PDZD2: variants seen among roughly 807,000 people sequenced by gnomAD.
The protein encoded by PDZD2 is PDZ domain-containing protein 2.
Under a neutral mutation model 220.7 loss-of-function variants are expected in PDZD2, and 90 were observed. That is an observed-to-expected ratio of 0.41 (90% CI 0.34 to 0.49). PDZD2 has a LOEUF of 0.49. PDZD2 is among the 20% of genes least tolerant of loss of function. The probability of loss-of-function intolerance (pLI) is 0.28; values close to 1 mark genes in which losing one functional copy is unlikely to be tolerated. For missense variants in PDZD2, 3,174 were observed against 3,608.5 expected, an observed-to-expected ratio of 0.88 and a Z score of 3.08; for synonymous variants, 1,375 against 1,450.5, an observed-to-expected ratio of 0.95 and a Z score of 1.18.
chr5:32,033,231 G>C (rs1365761181), intron 6 of PDZD2, among the ~76,000 whole-genome samples: 2 of 152,124 alleles, frequency 1.3e-5, no homozygotes, highest in Non-Finnish European at 2.9e-5. Context: ...TCTGTGCATT[G>C]GGAACAAAAC....
At chr5:31,704,889 G>A (rs983824528) in intron 1 of PDZD2, among the ~76,000 whole-genome samples, 73 of 152,112 alleles carry the variant, frequency 4.8e-4, no homozygotes, top group African/African-American at 1.7e-3. Context: ...GGCTGGGTGC[G>A]GTGGCTCACG....
intron 13 of PDZD2, 79 bp from the exon 14 acceptor site, chr5:32,060,923 C>A: frequency 7.4e-7 from 1 of 1,357,472 alleles, no homozygotes; most frequent in Non-Finnish European, 1.0e-6. Flanking sequence ...ATATTATAAA[C>A]CTCTCCTAGC....
In PDZD2 at chr5:32,090,332, A is replaced by AAGGGG; in HGVS notation, c.6886_6890dup (p.Asp2297GlufsTer13). 6.2e-7 allele frequency: 1 copy of AAGGGG among 1,614,198 alleles called. No individual in the cohort carries two copies. Among genetic ancestry groups the AAGGGG allele is most frequent in the Non-Finnish European group, 8.5e-7 (1 of 1,180,012 alleles). ...TCGAGGAATCTTCCAGCCACAGATG[A>AAGGGG]AGGGGATATCATTTCAGTCCAGGAG... On this transcript the variant is annotated frameshift_variant, in exon 20 of 25. Transcript: ENST00000438447. LOFTEE classifies it high-confidence loss of function. The surrounding 1 kb of genome is among the most constrained non-coding windows in gnomAD (Gnocchi z 4.3).
intron 1 of PDZD2, among the ~76,000 whole-genome samples, chr5:31,729,099 C>T (rs1386156148): frequency 2.8e-4 from 35 of 123,672 alleles, no homozygotes; most frequent in East Asian, 5.5e-4. Context: ...TGATCGAAAT[C>T]TTTTTTTTTT....
chr5:31,833,584 C>T (rs1278432949), intron 2 of PDZD2, among the ~76,000 whole-genome samples: 2 of 146,036 alleles, frequency 1.4e-5, no homozygotes, highest in East Asian at 2.0e-4. Flanking sequence ...TGCAGTGAGC[C>T]GAGATTGCGC....
rs181811553 is a variant in PDZD2, at chr5:31,719,844, C to T, written c.-360-79045C>T. ...TAGTGATAGAGAAGTAAATGAAACT[C>T]GATCTCTGCCTTGAGGACCTCAGTT... On this transcript the variant is annotated intron_variant, in intron 1 of 24. Transcript: ENST00000438447. Among the ~76,000 whole-genome samples, 572 of 152,228 alleles carry T rather than the reference C, an allele frequency of 3.8e-3. 4 individuals carry two copies. The highest frequency in any genetic ancestry group is 4.4e-3 in the Non-Finnish European group (297 of 68,026).
intron 7 of PDZD2, among the ~76,000 whole-genome samples, chr5:32,047,104 A>G (rs945034626): frequency 6.6e-6 from 1 of 152,202 alleles, no homozygotes; most frequent in Non-Finnish European, 1.5e-5. Flanking sequence ...ATCGATAAGA[A>G]AGACATCCAA....
intron 2 of PDZD2, among the ~76,000 whole-genome samples, chr5:31,912,287 C>T (rs1449286197): frequency 6.6e-6 from 1 of 152,008 alleles, no homozygotes; most frequent in African/African-American, 2.4e-5. Flanking sequence ...GTGGAAGAGG[C>T]CAGGCAGTTC....
intron 2 of PDZD2, among the ~76,000 whole-genome samples, chr5:31,819,671 A>AAAAG (rs1344634916): frequency 1.3e-5 from 2 of 151,592 alleles, no homozygotes; most frequent in Non-Finnish European, 2.9e-5. Context: ...AAAAAAAAAA[A>AAAAG]AAGAATTCTG....
chr5:31,896,251 G>A (rs952811348), intron 2 of PDZD2, among the ~76,000 whole-genome samples: 2 of 151,904 alleles, frequency 1.3e-5, no homozygotes, highest in African/African-American at 4.8e-5. Flanking sequence ...TGGTTTCTTG[G>A]GGGTAACTGC....
chr5:31,661,984 C>T (rs1428055052), intron 1 of PDZD2, among the ~76,000 whole-genome samples: 1 of 152,022 alleles, frequency 6.6e-6, no homozygotes, highest in African/African-American at 2.4e-5. Flanking sequence ...TCCTAGTTTC[C>T]TCACCCTTAG....
At chr5:31,974,649 T>TA (rs1449830200) in intron 2 of PDZD2, among the ~76,000 whole-genome samples, 5 of 152,254 alleles carry the variant, frequency 3.3e-5, no homozygotes, top group Non-Finnish European at 7.3e-5. Context: ...GAAATAGCAG[T>TA]ATCCAGAGTA....
chr5:31,745,263 G>A (rs181306443), intron 1 of PDZD2, among the ~76,000 whole-genome samples: 140 of 152,154 alleles, frequency 9.2e-4, no homozygotes, highest in African/African-American at 3.0e-3. Flanking sequence ...ACCCAAAGGG[G>A]TATAAAGACC....
chr5:31,930,793 G>C (rs1273496121), intron 2 of PDZD2, among the ~76,000 whole-genome samples: 1 of 152,136 alleles, frequency 6.6e-6, no homozygotes, highest in Non-Finnish European at 1.5e-5. Context: ...TATGCGACCA[G>C]ACGCGGTGGC....
At chr5:31,841,657 G>A (rs931270812) in intron 2 of PDZD2, among the ~76,000 whole-genome samples, 1 of 149,300 alleles carries the variant, frequency 6.7e-6, no homozygotes, top group African/African-American at 2.5e-5. Context: ...TGGCGACAGA[G>A]TGAGACTTGT....
At position 32,089,765 on chromosome 5, in the gene PDZD2, G is replaced by A. The variant is rs748789762; in HGVS notation, c.6317G>A (p.Gly2106Asp). ...GAAGCAGTGTCAGAGACTGTATGTG[G>A]TAACAAGCCAGCTGAAAGCGACAGA... ...SAEAVSETVC[G>D]NKPAESDRRG... is the part of the protein sequence containing the mutation. The change falls in exon 20 of 25, where the codon GGT becomes GAT. Residue 2106 changes from glycine (G) to aspartate (D), a missense_variant. By Grantham distance (94) the Gly-to-Asp change is moderately conservative. Around this residue, in one of 4 missense-constraint regions of PDZD2, gnomAD observed 1,861 missense variants for 2,001.0 expected, o/e 0.93. Coordinates refer to ENST00000438447, the MANE Select transcript of PDZD2 (RefSeq NM_178140.4). The A allele has an allele frequency of 4.3e-6, 7 of 1,614,104 alleles. No individual in the cohort carries two copies. The highest frequency in any genetic ancestry group is 1.3e-5 in the African/African-American group (1 of 74,952).
chr5:31,777,698 T>C (rs1752783418), intron 1 of PDZD2, among the ~76,000 whole-genome samples: 1 of 152,188 alleles, frequency 6.6e-6, no homozygotes, highest in African/African-American at 2.4e-5. Flanking sequence ...ACTCTGTATC[T>C]AGCTAATCTG....
chr5:32,088,279 C>T lies in PDZD2; in HGVS notation c.4831C>T (p.Pro1611Ser), dbSNP rs527270456. 11 of 1,614,114 alleles carry T rather than the reference C, an allele frequency of 6.8e-6. No homozygotes were observed. In the Admixed American group the frequency reaches 1.8e-4, roughly 27 times the overall value. The change falls in exon 20 of 25, where the codon CCC becomes TCC. Residue 1611 changes from proline to serine, a missense_variant. Pro to Ser is a moderately conservative substitution (Grantham distance 74). This residue lies in a region of PDZD2 where 1,861 missense variants were observed against 2,001.0 expected (regional missense o/e 0.93). Transcript: ENST00000438447. This position sits in a 1 kb window ranked among gnomAD's most constrained non-coding sequence, Gnocchi z 4.6. ...TTCCACACGTGGCTGCCCCAATCCA[C>T]CCTCGAGTCCTGCTCATCTTCCCAC... Reference protein sequence around the residue: ...ICSTRGCPNPPSSPAHLPTQA... With the variant: ...ICSTRGCPNPSSSPAHLPTQA...
chr5:31,760,511 A>G (rs1751570517), intron 1 of PDZD2, among the ~76,000 whole-genome samples: 1 of 152,124 alleles, frequency 6.6e-6, no homozygotes, highest in African/African-American at 2.4e-5. Flanking sequence ...AAAGAATGGT[A>G]TGGGTGTGGA....
Sources: allele counts gnomAD v4.1 joint callset (sites outside exome capture counted in the v4.1 genomes callset), GRCh38; gene constraint gnomAD v4.1.1; regional missense constraint gnomAD v4.1.1; non-coding constraint Gnocchi (gnomAD v3.1); transcripts MANE v1.5; gene names NCBI Gene and HGNC (gene_info 2026-07-23, HGNC 2026-07-21).